PHLDB1: variants seen among roughly 807,000 people sequenced by gnomAD.
PHLDB1 encodes the protein pleckstrin homology-like domain family B member 1.
A neutral mutation model predicts 139.3 loss-of-function variants in PHLDB1; 65 were observed. That is an observed-to-expected ratio of 0.47 (90% CI 0.38 to 0.57). The LOEUF (loss-of-function observed/expected upper bound fraction) is 0.57, where lower values mean the gene tolerates loss of function less well. Ranked by LOEUF, PHLDB1 falls within the 20% of genes least tolerant of loss-of-function variation. The pLI is 0.00. For missense variants in PHLDB1, 1,624 were observed against 1,839.7 expected (o/e 0.88, Z 2.14); for synonymous variants, 679 against 734.5 (o/e 0.92, Z 1.22).
chr11:118,635,134 T>A, intron 9 of PHLDB1: 5 of 537,316 alleles, frequency 9.3e-6, no homozygotes, highest in Admixed American at 3.0e-5. Flanking sequence ...CGGGACCACC[T>A]GGCCTCTGCA....
chr11:118,657,181 T>C lies in PHLDB1; in HGVS notation c.*358T>C. On this transcript the variant is annotated 3_prime_UTR_variant, in exon 23 of 23. Coordinates refer to ENST00000600882, the MANE Select transcript of PHLDB1 (RefSeq NM_001144758.3). Reference sequence around the variant, plus strand: ...CCCCTTTGCCAGGGGCTTTGGGGGCTGAGCAGAGCCACATCCAGAGTGGGG... The same window carrying C: ...CCCCTTTGCCAGGGGCTTTGGGGGCCGAGCAGAGCCACATCCAGAGTGGGG... 5.6e-6 allele frequency: 1 copy of C among 179,336 alleles called. No homozygotes were observed. The highest frequency in any genetic ancestry group is 1.2e-5 in the Non-Finnish European group (1 of 83,614). The allele number at this position is 179,336 out of a possible 1,614,324, so 11.1% of individuals were successfully genotyped here. A position where few individuals can be genotyped will look rare whatever the true frequency, so the allele number is the denominator to read the frequency against.
At chr11:118,623,456 T>C (rs973652418) in intron 4 of PHLDB1, among the ~76,000 whole-genome samples, 4 of 152,216 alleles carry the variant, frequency 2.6e-5, no homozygotes, top group Admixed American at 1.3e-4. Flanking sequence ...CCACATGCCC[T>C]CCCCCTCCAG....
chr11:118,649,707 C>A (rs188564484), intron 18 of PHLDB1, among the ~76,000 whole-genome samples: 2 of 152,010 alleles, frequency 1.3e-5, no homozygotes, highest in South Asian at 4.1e-4. Flanking sequence ...AGGTCCCATG[C>A]GAAGTCAGAA....
At chr11:118,647,432 G>A (rs1947688410) in intron 17 of PHLDB1, 1 of 152,790 alleles carries the variant, frequency 6.5e-6, no homozygotes, top group South Asian at 2.1e-4. Context: ...AAGTTTAAAT[G>A]GCTGGGTGCG....
intron 7 of PHLDB1, 91 bp downstream of exon 7, chr11:118,631,570 A>T: frequency 9.0e-7 from 1 of 1,109,948 alleles, no homozygotes; most frequent in Non-Finnish European, 1.2e-6. Context: ...AGGTCCAGTG[A>T]GGGGAAGGAT....
chr11:118,650,648 G>A lies in PHLDB1; in HGVS notation c.3874+101G>A, dbSNP rs1364246183. The A allele has an allele frequency of 1.3e-6, 1 of 788,982 alleles. No individual in the cohort carries two copies. Among genetic ancestry groups the A allele is most frequent in the Non-Finnish European group, 2.2e-6 (1 of 450,296 alleles). The allele number at this position is 788,982 out of a possible 1,614,324, so 48.9% of individuals were successfully genotyped here. A position where few individuals can be genotyped will look rare whatever the true frequency, so the allele number is the denominator to read the frequency against. Reference sequence around the variant, plus strand: ...GAAGGAGGCCAAGCTTCCAAGTAGGGGACCAGAGTCTTGGGCTAGGCTTTG... The same window carrying A: ...GAAGGAGGCCAAGCTTCCAAGTAGGAGACCAGAGTCTTGGGCTAGGCTTTG... On this transcript the variant is annotated intron_variant, in intron 20 of 22. Coordinates refer to ENST00000600882, the MANE Select transcript of PHLDB1 (RefSeq NM_001144758.3). This position sits in a 1 kb window ranked among gnomAD's most constrained non-coding sequence, Gnocchi z 4.7.
Position 118,657,020 on chromosome 11 carries a change from C to G in PHLDB1, c.*197C>G. Reference sequence around the variant, plus strand: ...TAACCCTTTAGGGTCCTGCCCCAGGCCCAGCCAGGGCTGAGGAGCTGTCAC... The same window carrying G: ...TAACCCTTTAGGGTCCTGCCCCAGGGCCAGCCAGGGCTGAGGAGCTGTCAC... On this transcript the variant is annotated 3_prime_UTR_variant, in exon 23 of 23. Transcript: ENST00000600882. 1 of 509,782 alleles carries G rather than the reference C, an allele frequency of 2.0e-6. No individual in the cohort carries two copies. Among genetic ancestry groups the G allele is most frequent in the South Asian group, 3.2e-5 (1 of 31,424 alleles). The allele number at this position is 509,782 out of a possible 1,614,324, so 31.6% of individuals were successfully genotyped here.
Position 118,650,574 on chromosome 11 carries a change from G to T in PHLDB1, c.3874+27G>T, listed in dbSNP as rs1555135713. 2 of 1,488,306 alleles carry T rather than the reference G, an allele frequency of 1.3e-6. No individual in the cohort carries two copies. The highest frequency in any genetic ancestry group is 2.3e-5 in the South Asian group (2 of 88,596). The allele number at this position is 1,488,306 out of a possible 1,614,324, so 92.2% of individuals were successfully genotyped here. ...TGAGTTCCCACAAGGCCACCCTGGG[G>T]GCCAGCCAGGATCCCTGGGCTCTGT... On this transcript the variant is annotated intron_variant, in intron 20 of 22. Transcript: ENST00000600882. The surrounding 1 kb of genome is among the most constrained non-coding windows in gnomAD (Gnocchi z 4.7).
At chr11:118,639,781 A>G in intron 12 of PHLDB1, 1 of 688,488 alleles carries the variant, frequency 1.5e-6, no homozygotes, top group Non-Finnish European at 1.8e-6. Context: ...CTGCCTCACT[A>G]CACAAACAAT....
In PHLDB1 at chr11:118,621,776, G is replaced by A. The variant is rs575826488; in HGVS notation, c.356-3158G>A. ...TAGACCTTATCTTCTCCAGCGCTCCGGCAGTCCCCTCCTTAGGACCCACCT... is the reference window on the plus strand; with the variant it reads ...TAGACCTTATCTTCTCCAGCGCTCCAGCAGTCCCCTCCTTAGGACCCACCT... On this transcript the variant is annotated intron_variant, in intron 4 of 22. Transcript: ENST00000600882. Among the ~76,000 whole-genome samples, 37 of 152,234 alleles carry A rather than the reference G, an allele frequency of 2.4e-4. No individual in the cohort carries two copies. In the South Asian group the frequency reaches 3.5e-3, roughly 15 times the overall value.
chr11:118,639,518 C>A, intron 12 of PHLDB1: 1 of 414,058 alleles, frequency 2.4e-6, no homozygotes, highest in Non-Finnish European at 4.5e-6. Context: ...ACTCAGGGGC[C>A]TGGGTTGGGT....
At position 118,632,273 on chromosome 11, in the gene PHLDB1, G is replaced by A; in HGVS notation, c.2356G>A (p.Gly786Ser). The A allele has an allele frequency of 6.2e-7, 1 of 1,613,236 alleles. No individual in the cohort carries two copies. Among genetic ancestry groups the A allele is most frequent in the Non-Finnish European group, 8.5e-7 (1 of 1,180,028 alleles). Residue 786 changes from glycine to serine, a missense_variant, in exon 9 of 23, where the codon GGC (glycine) becomes AGC (serine). Transcript: ENST00000600882. The surrounding 1 kb of genome is among the most constrained non-coding windows in gnomAD (Gnocchi z 5.9). ...LQEKLVALET[G>S]IQKERDKEAE... ...GGAGAAGCTGGTGGCCTTGGAGACA[G>A]GCATCCAGAAGGAGAGGGACAAGGT...
At chr11:118,641,657 C>T in intron 12 of PHLDB1, 1 of 1,288,528 alleles carries the variant, frequency 7.8e-7, no homozygotes, top group Non-Finnish European at 1.0e-6. Context: ...GGCACCTCGC[C>T]CATGCCCCCA....
rs1555080727 is a variant in PHLDB1, at chr11:118,608,501, C to A, written c.-22+802C>A. ...TCGCCCGCTAGCGCTTCCGCCGAGG[C>A]AGGCTCGAGTGGGGACTTGGCCGGG... On this transcript the variant is annotated intron_variant, in intron 1 of 22. Transcript: ENST00000600882. The surrounding 1 kb of genome is among the most constrained non-coding windows in gnomAD (Gnocchi z 6.7). Among the ~76,000 whole-genome samples, 1 of 152,160 alleles carries A rather than the reference C, an allele frequency of 6.6e-6. No homozygotes were observed. The highest frequency in any genetic ancestry group is 2.4e-5 in the African/African-American group (1 of 41,444).
At position 118,620,096 on chromosome 11, in the gene PHLDB1, C is replaced by T. The variant is rs551712750; in HGVS notation, c.355+3885C>T. 7.4e-4 allele frequency among the ~76,000 whole-genome samples: 112 copies of T among 152,278 alleles called. No individual in the cohort carries two copies. The highest frequency in any genetic ancestry group is 2.5e-3 in the African/African-American group (104 of 41,558). On this transcript the variant is annotated intron_variant, in intron 4 of 22. Transcript: ENST00000600882. The surrounding 1 kb of genome is among the most constrained non-coding windows in gnomAD (Gnocchi z 4.1). ...ACACTGTGTCAGGCTGTGTGAGCTGCTGAGAGCATAAAACATTGTGTCCCG... is the reference window on the plus strand; with the variant it reads ...ACACTGTGTCAGGCTGTGTGAGCTGTTGAGAGCATAAAACATTGTGTCCCG...
chr11:118,631,860 C>A, intron 7 of PHLDB1, 53 bp from the exon 8 acceptor site: 1 of 1,541,820 alleles, frequency 6.5e-7, no homozygotes, highest in South Asian at 1.3e-5. Context: ...TTTTCTTAGT[C>A]TGATTCCAAA....
intron 9 of PHLDB1, chr11:118,634,835 C>A: frequency 3.4e-6 from 1 of 295,428 alleles, no homozygotes; most frequent in South Asian, 2.5e-5. Context: ...CCGCGCTCCC[C>A]TCCCGCCGCT....
intron 6 of PHLDB1, among the ~76,000 whole-genome samples, chr11:118,629,148 G>T (rs1191355963): frequency 3.9e-5 from 6 of 152,220 alleles, no homozygotes; most frequent in Non-Finnish European, 8.8e-5. Flanking sequence ...AAAGTACCTT[G>T]TCCTTCTTTT....
Position 118,645,541 on chromosome 11 carries a change from G to A in PHLDB1, c.3307G>A (p.Glu1103Lys). Residue 1103 changes from glutamate (E) to lysine (K), a missense_variant, in exon 16 of 23, where the codon GAG becomes AAG. By Grantham distance (56) the Glu-to-Lys change is moderately conservative (BLOSUM62 1). Coordinates refer to ENST00000600882, the MANE Select transcript of PHLDB1 (RefSeq NM_001144758.3). This position sits in a 1 kb window ranked among gnomAD's most constrained non-coding sequence, Gnocchi z 5.1. ...HHLPAGRERG[E>K]EGEHAYDTLS... ...CCTGCCTGCGGGGCGGGAGCGTGGG[G>A]AGGAGGGTGAGCACGCCTATGATAC... 3 of 1,613,484 alleles carry A rather than the reference G, an allele frequency of 1.9e-6. No individual in the cohort carries two copies. Among genetic ancestry groups the A allele is most frequent in the Non-Finnish European group, 2.5e-6 (3 of 1,179,738 alleles).
Sources: gnomAD v4.1 joint callset for allele counts (sites outside exome capture counted in the v4.1 genomes callset) on GRCh38, gnomAD v4.1.1 for gene constraint, Gnocchi (gnomAD v3.1) non-coding constraint, MANE v1.5 for transcripts, NCBI Gene and HGNC (gene_info 2026-07-23, HGNC 2026-07-21) for gene names.